Variants in HYDIN observed in about 807,000 individuals in gnomAD.
The protein encoded by HYDIN is axonemal central pair apparatus protein HYDIN.
Under a neutral mutation model 403.9 loss-of-function variants are expected in HYDIN, and 132 were observed. That is an observed-to-expected ratio of 0.33 (90% CI 0.28 to 0.38). The LOEUF (loss-of-function observed/expected upper bound fraction) is 0.38. Among genes scored for constraint, HYDIN ranks in the 10% least tolerant of loss-of-function variants. The probability of loss-of-function intolerance (pLI) is 1.00; values close to 1 mark genes in which losing one functional copy is unlikely to be tolerated. For synonymous variants in HYDIN, 1,202 were observed against 1,891.7 expected, an observed-to-expected ratio of 0.64 and a Z score of 9.46; for missense variants, 2,827 against 5,009.5, an observed-to-expected ratio of 0.56 and a Z score of 13.15.
intron 36 of HYDIN, among the ~76,000 whole-genome samples, chr16:70,969,019 T>C (rs547572311): frequency 5.7e-4 from 86 of 152,034 alleles, no homozygotes; most frequent in African/African-American, 2.0e-3. Context: ...ACTCAATATG[T>C]GGGCAGAATG....
At chr16:71,133,224 G>C (rs1159734065) in intron 8 of HYDIN, 2 of 453,782 alleles carry the variant, frequency 4.4e-6, no homozygotes, top group East Asian at 7.0e-5. Context: ...CCATGGTCTT[G>C]AGAGCTAGAG....
intron 27 of HYDIN, among the ~76,000 whole-genome samples, chr16:70,986,317 A>T (rs1158525336): frequency 6.6e-6 from 1 of 151,090 alleles, no homozygotes; most frequent in Non-Finnish European, 1.5e-5. Context: ...CAATAACCAC[A>T]AACAGGCCAC....
At chr16:71,102,642 T>C (rs1408962378) in intron 10 of HYDIN, among the ~76,000 whole-genome samples, 1 of 151,868 alleles carries the variant, frequency 6.6e-6, no homozygotes, top group African/African-American at 2.4e-5. Context: ...CCTTCAGCTG[T>C]TCTGACAAGA....
At chr16:70,892,683 C>A (rs375942019) in intron 55 of HYDIN, among the ~76,000 whole-genome samples, 154 bp from the exon 56 acceptor site, 1 of 151,458 alleles carries the variant, frequency 6.6e-6, no homozygotes. Context: ...ACATCGTGAT[C>A]GCCTCTCCTT....
intron 23 of HYDIN, among the ~76,000 whole-genome samples, chr16:71,000,702 C>T (rs1427169668): frequency 6.6e-6 from 1 of 151,706 alleles, no homozygotes; most frequent in African/African-American, 2.4e-5. Context: ...GGCAGACAGT[C>T]CTCTCATTAG....
intron 1 of HYDIN, 116 bp downstream of exon 1, chr16:71,230,446 A>G (rs1400834035): frequency 7.9e-7 from 1 of 1,264,320 alleles, no homozygotes; most frequent in Admixed American, 2.8e-5. Context: ...GGGGTCTGGA[A>G]AGTCTGGAGA....
intron 18 of HYDIN, among the ~76,000 whole-genome samples, chr16:71,059,872 A>G (rs2082025291): frequency 6.6e-6 from 1 of 152,176 alleles, no homozygotes; most frequent in African/African-American, 2.4e-5. Context: ...AACTGTACAT[A>G]GAAATGAGAC....
chr16:71,213,453 G>C (rs2088700564), intron 1 of HYDIN, among the ~76,000 whole-genome samples: 5 of 152,074 alleles, frequency 3.3e-5, no homozygotes, highest in Admixed American at 3.3e-4. Context: ...GGAGAAATAG[G>C]ACAGTTTTTA....
chr16:71,150,632 G>A (rs1007978670), intron 7 of HYDIN, among the ~76,000 whole-genome samples: 2 of 150,156 alleles, frequency 1.3e-5, no homozygotes, highest in Non-Finnish European at 3.0e-5. Context: ...TTATATTCAT[G>A]ATCTTGCAGA....
Position 70,862,193 on chromosome 16 carries a change from T to C in HYDIN, c.11632A>G (p.Thr3878Ala), listed in dbSNP as rs1353954331. 7.4e-6 allele frequency: 12 copies of C among 1,613,576 alleles called. No individual in the cohort carries two copies. The highest frequency in any genetic ancestry group is 1.7e-4 in the Middle Eastern group (1 of 5,996). Residue 3878 changes from threonine (T) to alanine (A), a missense_variant, in exon 69 of 86, where the codon ACC (threonine) becomes GCC (alanine). By Grantham distance (58) the Thr-to-Ala change is moderately conservative. Coordinates refer to ENST00000393567, the MANE Select transcript of HYDIN (RefSeq NM_001270974.2). Reference sequence around the variant, plus strand: ...GAACCCTCGGCCCAGTGGTCCATGGTGCTGTCCAGGGTGCTGCCTGTATGC... The same window carrying C: ...GAACCCTCGGCCCAGTGGTCCATGGCGCTGTCCAGGGTGCTGCCTGTATGC... ...TMHTGSTLDS[T>A]MDHWAEGSPQ...
At chr16:70,896,514 G>A (rs1225417088) in intron 53 of HYDIN, among the ~76,000 whole-genome samples, 1 of 151,816 alleles carries the variant, frequency 6.6e-6, no homozygotes, top group Non-Finnish European at 1.5e-5. Flanking sequence ...CATCATGCTT[G>A]GCTAATTTTT....
intron 1 of HYDIN, among the ~76,000 whole-genome samples, chr16:71,190,152 T>C (rs551906472): frequency 3.3e-5 from 5 of 152,068 alleles, no homozygotes; most frequent in Non-Finnish European, 7.4e-5. Context: ...TCAAACACCA[T>C]TTACCACTAA....
intron 29 of HYDIN, among the ~76,000 whole-genome samples, chr16:70,979,669 G>A (rs1257129155): frequency 4.6e-5 from 7 of 152,122 alleles, no homozygotes; most frequent in Admixed American, 2.0e-4. Context: ...GGTGGCTCAC[G>A]CCTGTAATCC....
chr16:71,084,395 G>A lies in HYDIN; in HGVS notation c.1670+3906C>T, dbSNP rs528020305. ...GATATTTAACCCTATCTTTTTGTTTGTTTGTTTTTGAGACAGAGTCTCACT... is the reference window on the plus strand; with the variant it reads ...GATATTTAACCCTATCTTTTTGTTTATTTGTTTTTGAGACAGAGTCTCACT... On this transcript the variant is annotated intron_variant, in intron 12 of 85. Coordinates refer to ENST00000393567, the MANE Select transcript of HYDIN (RefSeq NM_001270974.2). Among the ~76,000 whole-genome samples, 3 of 113,370 alleles carry A rather than the reference G, an allele frequency of 2.6e-5. 1 individual carries two copies. In the South Asian group the frequency reaches 8.6e-4, roughly 32 times the overall value. The allele number at this position is 113,370 out of a possible 152,430, so 74.4% of individuals were successfully genotyped here. A position where few individuals can be genotyped will look rare whatever the true frequency, so the allele number is the denominator to read the frequency against.
At position 70,866,267 on chromosome 16, in the gene HYDIN, C is replaced by T. The variant is rs199978951; in HGVS notation, c.11373G>A (p.Gln3791=). The T allele has an allele frequency of 3.7e-3, 4,859 of 1,325,622 alleles. 14 individuals are homozygous for T. The highest frequency in any genetic ancestry group is 4.5e-3 in the Non-Finnish European group (4,141 of 919,796). 82.1% of individuals were successfully genotyped at this position (1,325,622 alleles called of 1,614,324 possible). Residue 3791 remains glutamine (Q), a synonymous_variant, in exon 67 of 86, where the codon CAG becomes CAA. Coordinates refer to ENST00000393567, the MANE Select transcript of HYDIN (RefSeq NM_001270974.2). ...SVLEENYQEL[Q]LQISANVDFA... Reference sequence around the variant, plus strand: ...AATCCACATTGGCACTGATTTGAAGCTGCAGTTCTTGGTAGTTTTCTTCTA... The same window carrying T: ...AATCCACATTGGCACTGATTTGAAGTTGCAGTTCTTGGTAGTTTTCTTCTA...
chr16:71,220,252 A>G (rs1202439473), intron 1 of HYDIN, among the ~76,000 whole-genome samples: 1 of 152,208 alleles, frequency 6.6e-6, no homozygotes, highest in African/African-American at 2.4e-5. Flanking sequence ...GCTAAAGTGA[A>G]GAAACATTCT....
At chr16:71,139,002 T>G (rs2085050420) in intron 7 of HYDIN, among the ~76,000 whole-genome samples, 1 of 151,048 alleles carries the variant, frequency 6.6e-6, no homozygotes, top group Non-Finnish European at 1.5e-5. Context: ...GAGAATCACT[T>G]GAACCCGGGA....
Position 70,965,777 on chromosome 16 carries a change from T to C in HYDIN, c.5620-881A>G, listed in dbSNP as rs368642948. 9.4e-4 allele frequency among the ~76,000 whole-genome samples: 143 copies of C among 151,824 alleles called. 1 individual carries two copies. The highest frequency in any genetic ancestry group is 3.4e-3 in the African/African-American group (141 of 41,382). ...TAGGCTCCATGTAAAATAAGATCCA[T>C]GTAAATTTTAGAATTTACATGGAAG... is the stretch of plus-strand genomic sequence containing the variant. On this transcript the variant is annotated intron_variant, in intron 36 of 85. Transcript: ENST00000393567.
At chr16:71,069,188 C>T (rs556016675) in intron 14 of HYDIN, 79 bp downstream of exon 14, 10 of 1,478,576 alleles carry the variant, frequency 6.8e-6, no homozygotes, top group Non-Finnish European at 8.3e-6. Context: ...CATGCTAGAG[C>T]AAACCCTAGA....
Sources: allele counts gnomAD v4.1 joint callset (sites outside exome capture counted in the v4.1 genomes callset), GRCh38; gene constraint gnomAD v4.1.1; transcripts MANE v1.5; gene names NCBI Gene and HGNC (gene_info 2026-07-23, HGNC 2026-07-21).